Variants in TDRD3 observed in about 807,000 individuals in gnomAD.
The protein encoded by TDRD3 is tudor domain-containing protein 3.
TDRD3 carries 45 observed loss-of-function variants against 86.7 expected under a neutral mutation model. That is an observed-to-expected ratio of 0.52 (90% confidence interval 0.41 to 0.67). The LOEUF (loss-of-function observed/expected upper bound fraction) is 0.67, where lower values mean the gene tolerates loss of function less well. Ranked by LOEUF, TDRD3 falls within the 30% of genes least tolerant of loss-of-function variation. The pLI, the probability that TDRD3 is intolerant of heterozygous loss-of-function variation, is 0.00. For synonymous variants in TDRD3, 298 were observed against 301.7 expected (o/e 0.99, Z 0.13); for missense variants, 814 against 889.0 (o/e 0.92, Z 1.07).
chr13:60,573,549 C>A, intron 13 of TDRD3, 67 bp from the exon 14 acceptor site: 1 of 931,074 alleles, frequency 1.1e-6, no homozygotes, highest in Middle Eastern at 5.5e-4. Context: ...AGAAATGTAT[C>A]TTGACAAAGT....
At chr13:60,448,640 A>G (rs9528141) in intron 3 of TDRD3, among the ~76,000 whole-genome samples, 30,165 of 151,982 alleles carry the variant, frequency 0.2, 3,621 homozygotes, top group South Asian at 0.29. Context: ...TGTGACTGGA[A>G]GGAAGTGTGG....
intron 1 of TDRD3, among the ~76,000 whole-genome samples, chr13:60,408,452 G>T (rs1338032699): frequency 6.6e-6 from 1 of 152,190 alleles, no homozygotes; most frequent in Non-Finnish European, 1.5e-5. Flanking sequence ...GGAAAGTTTG[G>T]AACTTCCTAG....
Position 60,476,320 on chromosome 13 carries a change from T to C in TDRD3, c.496-7455T>C, listed in dbSNP as rs1956186388. On this transcript the variant is annotated intron_variant, in intron 5 of 13. Transcript: ENST00000377881. Reference sequence around the variant, plus strand: ...GAATTCCTTTCCTCATTGTTTGTTATTGTCAGCTGTGTCAAAGATCAGGCG... The same window carrying C: ...GAATTCCTTTCCTCATTGTTTGTTACTGTCAGCTGTGTCAAAGATCAGGCG... Among the ~76,000 whole-genome samples, 4 of 152,340 alleles carry C rather than the reference T, an allele frequency of 2.6e-5. No individual in the cohort carries two copies. In the South Asian group the frequency reaches 8.3e-4, roughly 32 times the overall value.
At chr13:60,537,408 T>G (rs1050511048) in intron 12 of TDRD3, 2 of 152,016 alleles carry the variant, frequency 1.3e-5, no homozygotes, top group Admixed American at 6.6e-5. Context: ...CATATAGATG[T>G]AAAAAAACCC....
In TDRD3 at chr13:60,532,288, C is replaced by T. The variant is rs1336689298; in HGVS notation, c.1993-2820C>T. ...AGCATTCTTAGGGTAACTGAATGAT[C>T]TTCTACGATGGCTACTTTGATTCAG... On this transcript the variant is annotated intron_variant, in intron 11 of 13. Transcript: ENST00000377881. Among the ~76,000 whole-genome samples, 3 of 152,264 alleles carry T rather than the reference C, an allele frequency of 2.0e-5. No individual in the cohort carries two copies. In the South Asian group the frequency reaches 6.2e-4, roughly 32 times the overall value.
Position 60,452,499 on chromosome 13 carries a change from A to G in TDRD3, c.192+7751A>G, listed in dbSNP as rs116814942. On this transcript the variant is annotated intron_variant, in intron 3 of 13. Coordinates refer to ENST00000377881, the MANE Select transcript of TDRD3 (RefSeq NM_001146070.2). ...TTACATTATTCTGTATATTCTTTTG[A>G]GTTTTCTCTATAAATTTGCCTTTTC... Among the ~76,000 whole-genome samples, 1,423 of 152,004 alleles carry G rather than the reference A, an allele frequency of 9.4e-3. 20 individuals carry two copies. The highest frequency in any genetic ancestry group is 0.032 in the African/African-American group (1,326 of 41,470).
chr13:60,482,959 A>G (rs1339913655), intron 5 of TDRD3, among the ~76,000 whole-genome samples: 1 of 152,070 alleles, frequency 6.6e-6, no homozygotes, highest in Non-Finnish European at 1.5e-5. Context: ...AACTAGTAAG[A>G]CAAATGTATG....
intron 1 of TDRD3, among the ~76,000 whole-genome samples, chr13:60,411,727 G>A (rs1954373983): frequency 6.6e-6 from 1 of 152,116 alleles, no homozygotes; most frequent in South Asian, 2.1e-4. Flanking sequence ...TACTCCAAGT[G>A]TGGTCCACAG....
chr13:60,483,130 G>A (rs1327197492), intron 5 of TDRD3, among the ~76,000 whole-genome samples: 1 of 151,928 alleles, frequency 6.6e-6, no homozygotes, highest in Non-Finnish European at 1.5e-5. Context: ...TATCTCTCTA[G>A]CTTTATGAGA....
chr13:60,411,288 T>C (rs1954360041), intron 1 of TDRD3, among the ~76,000 whole-genome samples: 1 of 152,202 alleles, frequency 6.6e-6, no homozygotes, highest in African/African-American at 2.4e-5. Flanking sequence ...AGTGTAGTGG[T>C]ATATACTTTT....
intron 5 of TDRD3, among the ~76,000 whole-genome samples, chr13:60,471,277 A>T (rs982260490): frequency 1.3e-5 from 2 of 152,190 alleles, no homozygotes; most frequent in African/African-American, 4.8e-5. Context: ...CAGTTTTCCC[A>T]GCACTACTTT....
chr13:60,431,981 T>A (rs1594925441), intron 1 of TDRD3, among the ~76,000 whole-genome samples: 2 of 151,980 alleles, frequency 1.3e-5, no homozygotes, highest in Admixed American at 1.3e-4. Context: ...CAAGTCCTGG[T>A]TTAATTGTTG....
intron 12 of TDRD3, among the ~76,000 whole-genome samples, chr13:60,543,445 A>G (rs1957862872): frequency 6.6e-6 from 1 of 152,184 alleles, no homozygotes; most frequent in Non-Finnish European, 1.5e-5. Context: ...TTAAATCTCC[A>G]AGAGAGATAT....
chr13:60,563,283 G>GCTGGAGCTGAGGTAAGTAT (rs1958379502), intron 12 of TDRD3, among the ~76,000 whole-genome samples: 1 of 150,262 alleles, frequency 6.7e-6, no homozygotes, highest in African/African-American at 2.5e-5. Context: ...TGAACATATT[G>GCTGGAGCTGAGGTAAGTAT]CTGGAGCTGA....
intron 12 of TDRD3, among the ~76,000 whole-genome samples, chr13:60,564,935 G>A (rs1958415270): frequency 6.6e-6 from 1 of 150,668 alleles, no homozygotes; most frequent in African/African-American, 2.4e-5. Context: ...ATTGTTATGG[G>A]TAACCAGATT....
chr13:60,498,950 G>A (rs774533582), intron 8 of TDRD3, among the ~76,000 whole-genome samples: 5 of 151,968 alleles, frequency 3.3e-5, no homozygotes, highest in African/African-American at 7.2e-5. Flanking sequence ...GTGGGTACGC[G>A]GACTCATCCT....
At chr13:60,448,140 C>T (rs114683406) in intron 3 of TDRD3, among the ~76,000 whole-genome samples, 1,688 of 152,158 alleles carry the variant, frequency 0.011, 40 homozygotes, top group African/African-American at 0.039. Flanking sequence ...TTAGATAATG[C>T]TGTTTTCAGC....
At chr13:60,447,957 T>A (rs1221864444) in intron 3 of TDRD3, among the ~76,000 whole-genome samples, 2 of 152,116 alleles carry the variant, frequency 1.3e-5, no homozygotes, top group African/African-American at 4.8e-5. Context: ...TGGAATCTCA[T>A]TCACTAGGCC....
At chr13:60,520,707 A>G (rs987899370) in intron 10 of TDRD3, among the ~76,000 whole-genome samples, 3 of 152,216 alleles carry the variant, frequency 2.0e-5, no homozygotes, top group African/African-American at 7.2e-5. Context: ...GCTTTCATAT[A>G]GAGTGACTAG....
Sources: allele counts gnomAD v4.1 joint callset (sites outside exome capture counted in the v4.1 genomes callset), GRCh38; gene constraint gnomAD v4.1.1; transcripts MANE v1.5; gene names NCBI Gene and HGNC (gene_info 2026-07-23, HGNC 2026-07-21).